GYS2: variants seen among roughly 807,000 people sequenced by gnomAD.
The protein encoded by GYS2 is glycogen [starch] synthase, liver.
A neutral mutation model predicts 85.6 loss-of-function variants in GYS2; 80 were observed. That is an observed-to-expected ratio of 0.93 (90% CI 0.78 to 1.13). The LOEUF is 1.13. GYS2 is among the 50% of genes most tolerant of loss of function. The pLI is 0.00. For synonymous variants in GYS2, 328 were observed against 300.7 expected, an observed-to-expected ratio of 1.09 and a Z score of -0.94; for missense variants, 881 against 854.9, an observed-to-expected ratio of 1.03 and a Z score of -0.38.
Position 21,540,458 on chromosome 12 carries a change from G to A in GYS2, c.1761C>T (p.Asn587=). 2 of 1,614,022 alleles carry A rather than the reference G, an allele frequency of 1.2e-6. No homozygotes were observed. Among genetic ancestry groups the A allele is most frequent in the Non-Finnish European group, 1.7e-6 (2 of 1,179,934 alleles). ...QSRRQRIIQR[N]RTERLSDLLD... is the part of the protein sequence containing the mutation. ...GAAGATCTGAGAGCCTCTCAGTTCT[G>A]TTCCTCTGGATAATCCTTTGGCGGC... Residue 587 remains asparagine, a synonymous_variant, in exon 14 of 16, where the codon AAC becomes AAT. Transcript: ENST00000261195.
intron 1 of GYS2, among the ~76,000 whole-genome samples, chr12:21,596,199 T>C (rs1944694585): frequency 1.3e-5 from 2 of 152,096 alleles, no homozygotes; most frequent in Admixed American, 6.6e-5. Flanking sequence ...GGTCCCCATC[T>C]TTTTGACACT....
intron 3 of GYS2, 27 bp downstream of exon 3, chr12:21,575,839 G>C (rs189753679): frequency 2.6e-6 from 4 of 1,552,710 alleles, no homozygotes; most frequent in Non-Finnish European, 3.6e-6. Context: ...CTGCTCCTCC[G>C]TTGTATCACT....
At chr12:21,583,989 T>G (rs1292639279) in intron 1 of GYS2, among the ~76,000 whole-genome samples, 1 of 152,194 alleles carries the variant, frequency 6.6e-6, no homozygotes, top group Non-Finnish European at 1.5e-5. Flanking sequence ...GGGAGTTCCC[T>G]ATGATCAGCT....
intron 13 of GYS2, among the ~76,000 whole-genome samples, chr12:21,541,213 AG>A (rs1266287149): frequency 1.5e-5 from 2 of 133,992 alleles, no homozygotes; most frequent in Non-Finnish European, 3.1e-5. Flanking sequence ...GACTGCAGTG[AG>A]CCAGGATCAG....
chr12:21,587,444 C>G (rs1369352949), intron 1 of GYS2, among the ~76,000 whole-genome samples: 1 of 152,162 alleles, frequency 6.6e-6, no homozygotes, highest in African/African-American at 2.4e-5. Context: ...AGGTTACTCT[C>G]ATGCTCTTCT....
intron 1 of GYS2, among the ~76,000 whole-genome samples, chr12:21,590,135 C>G (rs1247993468): frequency 1.3e-5 from 2 of 152,142 alleles, no homozygotes; most frequent in South Asian, 4.1e-4. Flanking sequence ...CCATTTATAG[C>G]TGCTGCCACT....
intron 7 of GYS2, 117 bp from the exon 8 acceptor site, chr12:21,560,609 T>G (rs185683847): frequency 4.3e-6 from 3 of 691,228 alleles, no homozygotes; most frequent in Non-Finnish European, 5.3e-6. Context: ...AAAGGTATAG[T>G]TATTTATGTT....
chr12:21,554,902 C>T (rs991960544), intron 11 of GYS2, among the ~76,000 whole-genome samples: 4 of 152,156 alleles, frequency 2.6e-5, no homozygotes, highest in Admixed American at 6.5e-5. Context: ...TCATTTAGAA[C>T]GTCCAATTTC....
intron 12 of GYS2, 76 bp from the exon 13 acceptor site, chr12:21,542,667 G>A (rs1391119256): frequency 1.1e-6 from 1 of 881,482 alleles, no homozygotes; most frequent in East Asian, 2.5e-5. Context: ...GGAGGAAAAG[G>A]CCCTAGTCCT....
At chr12:21,584,823 G>A (rs1948324799) in intron 1 of GYS2, among the ~76,000 whole-genome samples, 1 of 152,180 alleles carries the variant, frequency 6.6e-6, no homozygotes, top group South Asian at 2.1e-4. Context: ...CGTATCCACT[G>A]TCATGGTATT....
intron 1 of GYS2, among the ~76,000 whole-genome samples, chr12:21,583,216 A>G (rs1023031662): frequency 2.6e-5 from 4 of 152,220 alleles, no homozygotes; most frequent in African/African-American, 9.6e-5. Context: ...AGGATGGGAA[A>G]TAAATCTGAT....
At chr12:21,541,292 C>CAAAAAA (rs1230079238) in intron 13 of GYS2, among the ~76,000 whole-genome samples, 1 of 106,258 alleles carries the variant, frequency 9.4e-6, no homozygotes, top group Non-Finnish European at 1.8e-5. Context: ...AAAAAAAAAA[C>CAAAAAA]AAAAAACCCA....
In GYS2 at chr12:21,604,671, A is replaced by C. The variant is rs1944787879; in HGVS notation, c.-79T>G. ...TCCCAGGAGAAGAGAACTTACAGGC[A>C]CAAAAGTTAGAGTTGGTAGAGTTAC... On this transcript the variant is annotated 5_prime_UTR_variant, in exon 1 of 16. Coordinates refer to ENST00000261195, the MANE Select transcript of GYS2 (RefSeq NM_021957.4). The C allele has an allele frequency of 6.2e-7, 1 of 1,602,108 alleles. No homozygotes were observed. Among genetic ancestry groups the C allele is most frequent in the East Asian group, 2.3e-5 (1 of 44,412 alleles).
intron 1 of GYS2, among the ~76,000 whole-genome samples, chr12:21,593,076 G>T (rs1057498808): frequency 6.6e-6 from 1 of 151,900 alleles, no homozygotes; most frequent in Non-Finnish European, 1.5e-5. Context: ...AAAATTTTTT[G>T]AAACAAATGA....
intron 15 of GYS2, among the ~76,000 whole-genome samples, chr12:21,537,781 G>C (rs1384216703): frequency 6.6e-6 from 1 of 152,030 alleles, no homozygotes; most frequent in Non-Finnish European, 1.5e-5. Context: ...TAATTAATTT[G>C]CCCTTCTACT....
chr12:21,587,831 G>A (rs1008921171), intron 1 of GYS2, among the ~76,000 whole-genome samples: 2 of 152,174 alleles, frequency 1.3e-5, no homozygotes, highest in African/African-American at 4.8e-5. Flanking sequence ...GCAAATGGAT[G>A]TCATGAGGAG....
chr12:21,589,460 ATTAC>A (rs913427811), intron 1 of GYS2, among the ~76,000 whole-genome samples: 1 of 152,230 alleles, frequency 6.6e-6, no homozygotes, highest in Non-Finnish European at 1.5e-5. Context: ...GGGCTTGAAG[ATTAC>A]TGACTAAGGG....
At chr12:21,537,430 A>G in intron 15 of GYS2, 1 of 499,580 alleles carries the variant, frequency 2.0e-6, no homozygotes, top group South Asian at 2.3e-5. Context: ...ATCTTTTAAC[A>G]ACACTCTGAT....
Position 21,604,750 on chromosome 12 carries a change from C to A in GYS2, c.-158G>T. On this transcript the variant is annotated 5_prime_UTR_variant, in exon 1 of 16. Coordinates refer to ENST00000261195, the MANE Select transcript of GYS2 (RefSeq NM_021957.4). ...AACTAGTAGCATGAAATCTTATGTG[C>A]TTCCCACAGAATTCCTGGTGGAAGG... The A allele has an allele frequency of 6.9e-7, 1 of 1,447,342 alleles. No individual in the cohort carries two copies. Among genetic ancestry groups the A allele is most frequent in the Non-Finnish European group, 9.1e-7 (1 of 1,095,650 alleles). 89.7% of individuals were successfully genotyped at this position (1,447,342 alleles called of 1,614,324 possible). A position where few individuals can be genotyped will look rare whatever the true frequency, so the allele number is the denominator to read the frequency against.
Sources: allele counts gnomAD v4.1 joint callset (sites outside exome capture counted in the v4.1 genomes callset), GRCh38; gene constraint gnomAD v4.1.1; transcripts MANE v1.5; gene names NCBI Gene and HGNC (gene_info 2026-07-23, HGNC 2026-07-21).